Variants in CNTNAP2 observed in about 807,000 individuals in gnomAD.
CNTNAP2 encodes contactin-associated protein-like 2.
In CNTNAP2, 98 loss-of-function variants were observed where a neutral mutation model predicts 155.2. The ratio of observed to expected loss-of-function variants is 0.63; its 90% CI spans 0.54 to 0.75. The LOEUF is 0.75. CNTNAP2 is among the 30% of genes least tolerant of loss of function. The pLI, the probability that CNTNAP2 is intolerant of heterozygous loss-of-function variation, is 0.00. For synonymous variants in CNTNAP2, 651 were observed against 631.2 expected (o/e 1.03, Z -0.47); for missense variants, 1,727 against 1,688.1 (o/e 1.02, Z -0.40).
At chr7:147,570,189 A>G (rs1800260323) in intron 12 of CNTNAP2, among the ~76,000 whole-genome samples, 1 of 152,224 alleles carries the variant, frequency 6.6e-6, no homozygotes, top group South Asian at 2.1e-4. Flanking sequence ...TTTCCATGTA[A>G]AGAAGCCCGG....
intron 8 of CNTNAP2, among the ~76,000 whole-genome samples, chr7:147,179,960 G>A (rs1291179783): frequency 3.3e-5 from 5 of 152,182 alleles, no homozygotes; most frequent in Non-Finnish European, 7.3e-5. Flanking sequence ...AGGAACAGGT[G>A]TCAGGGATAG....
chr7:146,210,999 G>A (rs36039044), intron 1 of CNTNAP2, among the ~76,000 whole-genome samples: 131 of 152,202 alleles, frequency 8.6e-4, no homozygotes, highest in Middle Eastern at 3.4e-3. Context: ...AAAGGAAAGT[G>A]AAATTGAATG....
chr7:147,874,103 C>A (rs117902991), intron 13 of CNTNAP2, among the ~76,000 whole-genome samples: 1 of 152,146 alleles, frequency 6.6e-6, no homozygotes, highest in South Asian at 2.1e-4. Flanking sequence ...CATGGGCTGG[C>A]GTTGAACGTC....
intron 10 of CNTNAP2, among the ~76,000 whole-genome samples, chr7:147,461,751 AT>A (rs1798029564): frequency 6.6e-6 from 1 of 152,154 alleles, no homozygotes; most frequent in African/African-American, 2.4e-5. Flanking sequence ...TATAGTAACA[AT>A]TTTATAATAT....
chr7:146,249,218 G>A (rs1029258595), intron 1 of CNTNAP2, among the ~76,000 whole-genome samples: 7 of 152,098 alleles, frequency 4.6e-5, no homozygotes, highest in African/African-American at 1.7e-4. Flanking sequence ...GGGCTCAGAG[G>A]CCTGACAGTA....
intron 15 of CNTNAP2, among the ~76,000 whole-genome samples, chr7:148,072,131 T>G (rs1157734891): frequency 6.6e-6 from 1 of 152,158 alleles, no homozygotes; most frequent in Non-Finnish European, 1.5e-5. Context: ...TTTTTTAGGA[T>G]TTCTTCATAT....
intron 8 of CNTNAP2, among the ~76,000 whole-genome samples, chr7:147,251,320 A>C (rs1804192470): frequency 6.6e-6 from 1 of 152,150 alleles, no homozygotes; most frequent in East Asian, 1.9e-4. Flanking sequence ...GATCAGGACG[A>C]GGCATTGTTT....
At chr7:146,457,430 AGC>A (rs1796570539) in intron 1 of CNTNAP2, among the ~76,000 whole-genome samples, 1 of 134,996 alleles carries the variant, frequency 7.4e-6, no homozygotes, top group African/African-American at 2.7e-5. Context: ...TCATTTTTGA[AGC>A]TATAAATGAA....
At chr7:146,280,175 C>T (rs802513) in intron 1 of CNTNAP2, among the ~76,000 whole-genome samples, 10,844 of 151,846 alleles carry the variant, frequency 0.071, 1,101 homozygotes, top group African/African-American at 0.22. Flanking sequence ...AATTCTTGTC[C>T]GACCAAATCA....
chr7:146,975,769 C>G (rs1360203867), intron 3 of CNTNAP2, among the ~76,000 whole-genome samples: 1 of 152,160 alleles, frequency 6.6e-6, no homozygotes, highest in Non-Finnish European at 1.5e-5. Flanking sequence ...GGGACATACA[C>G]CTTCCTAGGT....
chr7:146,551,636 TA>T (rs1798123905), intron 1 of CNTNAP2, among the ~76,000 whole-genome samples: 1 of 151,992 alleles, frequency 6.6e-6, no homozygotes, highest in Non-Finnish European at 1.5e-5. Context: ...CAAAAGACAC[TA>T]AAAAAATGAA....
At chr7:146,532,363 A>G (rs1002910397) in intron 1 of CNTNAP2, among the ~76,000 whole-genome samples, 18 of 152,272 alleles carry the variant, frequency 1.2e-4, no homozygotes, top group African/African-American at 4.1e-4. Flanking sequence ...GGGGGATGCT[A>G]AAGTTCTCTG....
chr7:146,819,748 C>T (rs370079186), intron 2 of CNTNAP2, among the ~76,000 whole-genome samples: 4 of 151,980 alleles, frequency 2.6e-5, no homozygotes, highest in Admixed American at 6.6e-5. Context: ...CGTTTTTTTC[C>T]GTTTCAGGAA....
chr7:147,579,350 A>G (rs904441124), intron 12 of CNTNAP2, among the ~76,000 whole-genome samples: 2 of 152,180 alleles, frequency 1.3e-5, no homozygotes, highest in African/African-American at 2.4e-5. Context: ...TTATGAGTGC[A>G]TCTTATGTTT....
Position 147,970,609 on chromosome 7 carries a change from A to T in CNTNAP2, c.2256-7253A>T, listed in dbSNP as rs554079676. ...ATACAAAGATTTAGAGGTAAAGTGAACTTAATTGTCTGAACAAGAAATCAA... is the reference window on the plus strand; with the variant it reads ...ATACAAAGATTTAGAGGTAAAGTGATCTTAATTGTCTGAACAAGAAATCAA... On this transcript the variant is annotated intron_variant, in intron 14 of 23. Coordinates refer to ENST00000361727, the MANE Select transcript of CNTNAP2 (RefSeq NM_014141.6). Among the ~76,000 whole-genome samples the T allele has an allele frequency of 5.9e-5, 9 of 152,322 alleles. No individual in the cohort carries two copies. In the South Asian group the frequency reaches 1.7e-3, roughly 28 times the overall value.
intron 1 of CNTNAP2, among the ~76,000 whole-genome samples, chr7:146,437,891 T>G (rs1266747916): frequency 5.3e-5 from 8 of 150,892 alleles, no homozygotes; most frequent in African/African-American, 2.0e-4. Context: ...GTTTTTTTTT[T>G]TGTTTGTTTT....
chr7:147,603,114 T>C (rs1478092250), intron 12 of CNTNAP2, among the ~76,000 whole-genome samples: 1 of 151,126 alleles, frequency 6.6e-6, no homozygotes, highest in Non-Finnish European at 1.5e-5. Flanking sequence ...AGTGTAAAAG[T>C]GTTTCTATTT....
rs1015257006 is a variant in CNTNAP2, at chr7:147,038,816, T to A, written c.403-5091T>A. Among the ~76,000 whole-genome samples the A allele has an allele frequency of 2.0e-5, 3 of 152,172 alleles. No individual in the cohort carries two copies. In the East Asian group the frequency reaches 5.8e-4, roughly 29 times the overall value. On this transcript the variant is annotated intron_variant, in intron 3 of 23. Transcript: ENST00000361727. Reference sequence around the variant, plus strand: ...ATTTCTCTTTACTCAGAGAGGGGGATTTTAGTGCTTTCATTGTTAAAAATT... The same window carrying A: ...ATTTCTCTTTACTCAGAGAGGGGGAATTTAGTGCTTTCATTGTTAAAAATT...
chr7:147,679,782 A>G (rs1795919771), intron 13 of CNTNAP2, among the ~76,000 whole-genome samples: 1 of 151,890 alleles, frequency 6.6e-6, no homozygotes, highest in Admixed American at 6.6e-5. Context: ...TCTTTGCCTT[A>G]GTTGATTTAA....
Sources: gnomAD v4.1 joint callset for allele counts (sites outside exome capture counted in the v4.1 genomes callset) on GRCh38, gnomAD v4.1.1 for gene constraint, MANE v1.5 for transcripts, NCBI Gene and HGNC (gene_info 2026-07-23, HGNC 2026-07-21) for gene names.